The following ENTREP2 variants were observed in gnomAD, a reference collection of about 807,000 sequenced individuals.
The protein encoded by ENTREP2 is endosomal transmembrane epsin interactor 2.
the ENTREP2 span, among the ~76,000 whole-genome samples, chr15:29,598,970 A>G: frequency 6.6e-6 from 1 of 152,230 alleles, no homozygotes; most frequent in Non-Finnish European, 1.5e-5. Flanking sequence ...TGCTGGGATT[A>G]CAGGCATGAG....
chr15:29,576,514 T>C, the ENTREP2 span, among the ~76,000 whole-genome samples: 9 of 152,222 alleles, frequency 5.9e-5, no homozygotes, highest in Non-Finnish European at 1.2e-4. Context: ...TCAAAGCACA[T>C]TGTCAAGAAA....
chr15:29,143,668 C>T, the ENTREP2 span, among the ~76,000 whole-genome samples: 1 of 152,154 alleles, frequency 6.6e-6, no homozygotes, highest in African/African-American at 2.4e-5. Context: ...ACACACTTGC[C>T]CACAGTGACC....
chr15:29,133,111 C>T, the ENTREP2 span, among the ~76,000 whole-genome samples: 2 of 152,180 alleles, frequency 1.3e-5, no homozygotes, highest in Non-Finnish European at 2.9e-5. Context: ...TCAGCCTCCC[C>T]TCTGCCTTCC....
chr15:29,182,511 G>A, the ENTREP2 span, among the ~76,000 whole-genome samples: 1 of 152,078 alleles, frequency 6.6e-6, no homozygotes, highest in African/African-American at 2.4e-5. Flanking sequence ...TAAGTTGATC[G>A]AGACTGTATA....
At chr15:29,256,191 G>A in the ENTREP2 span, among the ~76,000 whole-genome samples, 1 of 152,120 alleles carries the variant, frequency 6.6e-6, no homozygotes, top group East Asian at 1.9e-4. Context: ...TCCAACCGGA[G>A]GTTGGGGGGA....
chr15:29,521,128 G>A, the ENTREP2 span, among the ~76,000 whole-genome samples: 1 of 152,124 alleles, frequency 6.6e-6, no homozygotes, highest in African/African-American at 2.4e-5. Flanking sequence ...TAAAGGATGG[G>A]ATGCTGCTAC....
the ENTREP2 span, among the ~76,000 whole-genome samples, chr15:29,630,656 AT>A: frequency 9.9e-5 from 15 of 151,928 alleles, no homozygotes; most frequent in East Asian, 1.9e-4. Context: ...GACTTTGTTC[AT>A]TTTTTTCCCC....
the ENTREP2 span, among the ~76,000 whole-genome samples, chr15:29,236,914 A>C: frequency 6.6e-6 from 1 of 151,800 alleles, no homozygotes; most frequent in South Asian, 2.1e-4. Context: ...GAAGGGAGGA[A>C]AAAAGAAAAG....
the ENTREP2 span, among the ~76,000 whole-genome samples, chr15:29,272,121 T>C: frequency 6.6e-6 from 1 of 151,780 alleles, no homozygotes; most frequent in African/African-American, 2.4e-5. Context: ...TTTTTAAGTC[T>C]CAAAACATCT....
the ENTREP2 span, among the ~76,000 whole-genome samples, chr15:29,133,930 C>A: frequency 6.6e-6 from 1 of 151,952 alleles, no homozygotes; most frequent in Non-Finnish European, 1.5e-5. Flanking sequence ...CTGTGCCTGT[C>A]CTTCTTCCCT....
At chr15:29,645,342 A>G in the ENTREP2 span, among the ~76,000 whole-genome samples, 1 of 152,196 alleles carries the variant, frequency 6.6e-6, no homozygotes, top group African/African-American at 2.4e-5. Flanking sequence ...GTCCAGCATC[A>G]AAGGAGGACT....
At chr15:29,627,283 G>A in the ENTREP2 span, among the ~76,000 whole-genome samples, 1 of 152,000 alleles carries the variant, frequency 6.6e-6, no homozygotes, top group Non-Finnish European at 1.5e-5. Context: ...GGTGGCTCAC[G>A]CCTGTAATCC....
the ENTREP2 span, among the ~76,000 whole-genome samples, chr15:29,422,266 G>A: frequency 2.7e-5 from 4 of 150,796 alleles, no homozygotes; most frequent in Non-Finnish European, 5.9e-5. Flanking sequence ...GTGAAACTCC[G>A]TGTCAAAAAA....
the ENTREP2 span, among the ~76,000 whole-genome samples, chr15:29,179,705 C>T: frequency 5.9e-5 from 9 of 151,860 alleles, no homozygotes; most frequent in Admixed American, 5.2e-4. Flanking sequence ...CTCAGCCTCC[C>T]GAGTAGCTGG....
chr15:29,490,175 G>A, the ENTREP2 span, among the ~76,000 whole-genome samples: 1 of 152,138 alleles, frequency 6.6e-6, no homozygotes, highest in Non-Finnish European at 1.5e-5. Flanking sequence ...ACTTCTTAAA[G>A]GCCGGTGCAT....
the ENTREP2 span, among the ~76,000 whole-genome samples, chr15:29,321,541 C>A: frequency 6.6e-6 from 1 of 150,622 alleles, no homozygotes; most frequent in African/African-American, 2.4e-5. Context: ...CCCAGGTACT[C>A]GGGAGGCTGA....
chr15:29,254,856 A>C, the ENTREP2 span, among the ~76,000 whole-genome samples: 1 of 152,218 alleles, frequency 6.6e-6, no homozygotes, highest in African/African-American at 2.4e-5. Context: ...ACAAACAAAC[A>C]AACAAACCAA....
At chr15:29,214,102 C>T in the ENTREP2 span, among the ~76,000 whole-genome samples, 10,078 of 152,022 alleles carry the variant, frequency 0.066, 1,135 homozygotes, top group African/African-American at 0.23. Flanking sequence ...GACTGTAAAC[C>T]AGTTCAACCA....
the ENTREP2 span, among the ~76,000 whole-genome samples, chr15:29,195,669 C>T: frequency 1.1e-4 from 17 of 152,200 alleles, no homozygotes; most frequent in African/African-American, 1.9e-4. Context: ...GGACTACAGG[C>T]GCCCACCACC....
Sources: allele counts gnomAD v4.1 joint callset (sites outside exome capture counted in the v4.1 genomes callset), GRCh38; gene constraint gnomAD v4.1.1; transcripts MANE v1.5; gene names NCBI Gene and HGNC (gene_info 2026-07-23, HGNC 2026-07-21).